TTC6: variants seen among roughly 807,000 people sequenced by gnomAD.
The protein encoded by TTC6 is tetratricopeptide repeat domain 6.
Under a neutral mutation model 210.4 loss-of-function variants are expected in TTC6, and 172 were observed. The observed-to-expected ratio is 0.82, with a 90% CI of 0.72 to 0.93. TTC6 has a LOEUF of 0.93. Ranked by LOEUF, TTC6 falls within the 40% of genes least tolerant of loss-of-function variation. The pLI, the probability that TTC6 is intolerant of heterozygous loss-of-function variation, is 0.00. For missense variants in TTC6, 2,414 were observed against 2,318.1 expected, an observed-to-expected ratio of 1.04 and a Z score of -0.85; for synonymous variants, 804 against 819.6, an observed-to-expected ratio of 0.98 and a Z score of 0.32.
intron 29 of TTC6, among the ~76,000 whole-genome samples, chr14:37,830,910 A>G (rs2096183287): frequency 6.6e-6 from 1 of 152,116 alleles, no homozygotes; most frequent in African/African-American, 2.4e-5. Flanking sequence ...GCATCACCTC[A>G]AACATTTATC....
intron 1 of TTC6, among the ~76,000 whole-genome samples, chr14:37,659,811 G>A (rs766158505): frequency 1.5e-4 from 23 of 152,138 alleles, no homozygotes; most frequent in Admixed American, 9.2e-4. Context: ...GTGACCCACC[G>A]CGCTTGGCCT....
intron 2 of TTC6, among the ~76,000 whole-genome samples, chr14:37,616,282 G>A (rs1378488428): frequency 6.6e-6 from 1 of 152,126 alleles, no homozygotes; most frequent in African/African-American, 2.4e-5. Context: ...TCCTTTCCCT[G>A]ATTCTTCTGG....
chr14:37,602,890 C>T (rs1446689773), intron 1 of TTC6, among the ~76,000 whole-genome samples: 1 of 152,046 alleles, frequency 6.6e-6, no homozygotes, highest in Non-Finnish European at 1.5e-5. Flanking sequence ...CTCTTCTCAC[C>T]CCACTGGCCT....
chr14:37,812,078 G>A (rs1185674078), intron 24 of TTC6, among the ~76,000 whole-genome samples: 2 of 152,140 alleles, frequency 1.3e-5, no homozygotes, highest in Non-Finnish European at 2.9e-5. Flanking sequence ...TGACTTGTAG[G>A]TAAAACATGA....
Position 37,812,312 on chromosome 14 carries a change from A to G in TTC6, c.4570-2A>G, listed in dbSNP as rs760077092. The G allele has an allele frequency of 1.9e-6, 3 of 1,608,366 alleles. No individual in the cohort carries two copies. In the African/African-American group the frequency reaches 4.0e-5, roughly 22 times the overall value. On this transcript the variant is annotated splice_acceptor_variant, in intron 24 of 30. Coordinates refer to ENST00000553443, the Ensembl canonical transcript of TTC6. LOFTEE classifies it high-confidence loss of function. ...ATCTATGTTACAAATGATTATTTTT[A>G]GGCATTAACAGATTATGGAATTGTG...
chr14:37,653,021 A>G (rs56271359), intron 1 of TTC6, among the ~76,000 whole-genome samples: 17,262 of 152,256 alleles, frequency 0.11, 1,344 homozygotes, highest in African/African-American at 0.21. Context: ...TAAACTCTTT[A>G]TACACATTTA....
chr14:37,634,007 C>T lies in TTC6; in HGVS notation c.939+11004C>T, dbSNP rs140486305. On this transcript the variant is annotated intron_variant, in intron 1 of 30. Coordinates refer to ENST00000553443, the Ensembl canonical transcript of TTC6. The stretch of plus-strand genomic sequence containing the variant: ...GAGAAAGCCAGCTAAAACAGAAAGT[C>T]AAAGTAATATCCAGACTCTCATAAT... Among the ~76,000 whole-genome samples, 16 of 152,206 alleles carry T rather than the reference C, an allele frequency of 1.1e-4. No individual in the cohort carries two copies. In the East Asian group the frequency reaches 2.9e-3, roughly 28 times the overall value.
chr14:37,743,171 T>C (rs1158392716), intron 10 of TTC6, among the ~76,000 whole-genome samples: 1 of 152,222 alleles, frequency 6.6e-6, no homozygotes, highest in African/African-American at 2.4e-5. Flanking sequence ...TGAAAAACCA[T>C]GAACCATATT....
intron 2 of TTC6, among the ~76,000 whole-genome samples, chr14:37,608,852 C>A (rs996717423): frequency 6.6e-6 from 1 of 151,986 alleles, no homozygotes; most frequent in Non-Finnish European, 1.5e-5. Flanking sequence ...CTGTAGTGAA[C>A]TACAGGGGGC....
At chr14:37,841,756 A>C (rs539075409) in intron 30 of TTC6, 86 bp downstream of exon 32, 5 of 1,022,838 alleles carry the variant, frequency 4.9e-6, no homozygotes, top group Non-Finnish European at 7.2e-6. Flanking sequence ...CATTAGGTCT[A>C]TTTATTTAGA....
chr14:37,619,771 C>T, upstream of TTC6, among the ~76,000 whole-genome samples: 1 of 150,922 alleles, frequency 6.6e-6, no homozygotes, highest in Non-Finnish European at 1.5e-5. Context: ...GACAAGTGCT[C>T]CCTTGTCATT....
intron 1 of TTC6, among the ~76,000 whole-genome samples, chr14:37,599,901 G>T (rs1250833509): frequency 6.6e-6 from 1 of 152,110 alleles, no homozygotes; most frequent in East Asian, 1.9e-4. Context: ...TGTGGCCCCC[G>T]AGTTACTGAC....
At position 37,712,715 on chromosome 14, in the gene TTC6, C is replaced by T. The variant is rs2095846500; in HGVS notation, c.1572-1940C>T. ...AACCATCAGCTCTTGTGATAAATCACTCACATCACGAGAACAGCACTATGG... is the reference window on the plus strand; with the variant it reads ...AACCATCAGCTCTTGTGATAAATCATTCACATCACGAGAACAGCACTATGG... On this transcript the variant is annotated intron_variant, in intron 5 of 30. Coordinates refer to ENST00000553443, the Ensembl canonical transcript of TTC6. Among the ~76,000 whole-genome samples, 2 of 152,118 alleles carry T rather than the reference C, an allele frequency of 1.3e-5. 1 individual carries two copies. The highest frequency in any genetic ancestry group is 4.1e-4 in the South Asian group (2 of 4,820).
intron 27 of TTC6, 100 bp downstream of exon 29, chr14:37,824,057 A>G: frequency 9.1e-7 from 1 of 1,104,626 alleles, no homozygotes; most frequent in Non-Finnish European, 1.3e-6. Flanking sequence ...TTCTTTGGTT[A>G]TGAACATTTA....
chr14:37,828,747 C>A (rs1021268294), intron 29 of TTC6, among the ~76,000 whole-genome samples: 1 of 148,802 alleles, frequency 6.7e-6, no homozygotes, highest in Non-Finnish European at 1.5e-5. Flanking sequence ...CAGGGTCATT[C>A]CTAAGAAAGG....
intron 26 of TTC6, among the ~76,000 whole-genome samples, chr14:37,819,897 G>T (rs74798015): frequency 6.6e-6 from 1 of 152,154 alleles, no homozygotes; most frequent in Non-Finnish European, 1.5e-5. Context: ...ACAGAACGTC[G>T]TAAGTAGAAT....
chr14:37,806,717 G>A (rs528694813), intron 22 of TTC6, among the ~76,000 whole-genome samples: 9 of 151,896 alleles, frequency 5.9e-5, no homozygotes, highest in South Asian at 2.1e-4. Context: ...ATATATAAAC[G>A]TATCTGTGAA....
At chr14:37,705,923 C>G (rs1164659541) in intron 5 of TTC6, among the ~76,000 whole-genome samples, 5 of 152,064 alleles carry the variant, frequency 3.3e-5, no homozygotes, top group Non-Finnish European at 2.9e-5. Flanking sequence ...CGCAGACTAG[C>G]GGCATCACCA....
At chr14:37,769,058 A>G (rs1036687108) in intron 14 of TTC6, among the ~76,000 whole-genome samples, 55 of 152,038 alleles carry the variant, frequency 3.6e-4, no homozygotes, top group Non-Finnish European at 7.6e-4. Context: ...TATTGAGATA[A>G]TCATGTGGTT....
Sources: gnomAD v4.1 joint callset for allele counts (sites outside exome capture counted in the v4.1 genomes callset) on GRCh38, gnomAD v4.1.1 for gene constraint, MANE v1.5 for transcripts, NCBI Gene and HGNC (gene_info 2026-07-23, HGNC 2026-07-21) for gene names.